Variants in RAB38 observed in about 807,000 individuals in gnomAD.
RAB38 encodes RAB38, member RAS oncogene family.
Under a neutral mutation model 18.4 loss-of-function variants are expected in RAB38, and 15 were observed. The observed-to-expected ratio is 0.82, with a 90% CI of 0.55 to 1.26. The LOEUF (loss-of-function observed/expected upper bound fraction) is 1.26. Among genes scored for constraint, RAB38 ranks in the 50% most tolerant of loss-of-function variants. The probability of loss-of-function intolerance (pLI) is 0.00; values close to 1 mark genes in which losing one functional copy is unlikely to be tolerated. For synonymous variants in RAB38, 101 were observed against 104.4 expected, an observed-to-expected ratio of 0.97 and a Z score of 0.20; for missense variants, 294 against 267.4, an observed-to-expected ratio of 1.10 and a Z score of -0.69.
At chr11:88,060,802 A>G in the RAB38 span, among the ~76,000 whole-genome samples, 1 of 152,212 alleles carries the variant, frequency 6.6e-6, no homozygotes, top group Non-Finnish European at 1.5e-5. Flanking sequence ...ATTAAAAACT[A>G]CTAACTAATG....
At chr11:87,930,924 A>T in the RAB38 span, among the ~76,000 whole-genome samples, 4 of 152,024 alleles carry the variant, frequency 2.6e-5, no homozygotes, top group African/African-American at 9.7e-5. Flanking sequence ...ATTGGTCTAT[A>T]TCTCTGTTTT....
the RAB38 span, among the ~76,000 whole-genome samples, chr11:87,873,922 G>GTGTGTGTATATATATATGTATATATA: frequency 9.7e-6 from 1 of 103,120 alleles, no homozygotes; most frequent in South Asian, 3.3e-4. Flanking sequence ...GTGTGTGTGT[G>GTGTGTGTATATATATATGTATATATA]TATATATATA....
chr11:87,867,112 C>T, the RAB38 span, among the ~76,000 whole-genome samples: 1 of 151,744 alleles, frequency 6.6e-6, no homozygotes, highest in African/African-American at 2.4e-5. Flanking sequence ...GCTCAGCTTT[C>T]TGAATGCTGG....
chr11:87,852,519 C>T, the RAB38 span, among the ~76,000 whole-genome samples: 1 of 152,022 alleles, frequency 6.6e-6, no homozygotes. Flanking sequence ...CATAATGTAT[C>T]TTTCTCGATA....
the RAB38 span, among the ~76,000 whole-genome samples, chr11:88,015,672 A>G: frequency 6.6e-6 from 1 of 152,096 alleles, no homozygotes; most frequent in Non-Finnish European, 1.5e-5. Flanking sequence ...ATCAAAGCTA[A>G]TATTTGACTC....
chr11:87,936,370 C>G, the RAB38 span, among the ~76,000 whole-genome samples: 3 of 151,948 alleles, frequency 2.0e-5, no homozygotes, highest in Non-Finnish European at 4.4e-5. Flanking sequence ...ATTGGATGTC[C>G]AATTGTTCCA....
the RAB38 span, among the ~76,000 whole-genome samples, chr11:88,073,052 TC>T: frequency 6.6e-6 from 1 of 152,086 alleles, no homozygotes; most frequent in Non-Finnish European, 1.5e-5. Context: ...ACAGAAAATC[TC>T]CCTTTGACTC....
chr11:88,030,758 T>G, the RAB38 span, among the ~76,000 whole-genome samples: 3 of 151,326 alleles, frequency 2.0e-5, no homozygotes, highest in Admixed American at 6.6e-5. Context: ...CCAAAAAGAG[T>G]CCAGGACAAG....
intron 2 of RAB38, among the ~76,000 whole-genome samples, chr11:88,117,440 T>C (rs531811601): frequency 1.1e-4 from 17 of 152,230 alleles, no homozygotes; most frequent in African/African-American, 4.1e-4. Flanking sequence ...ACTATAAAAG[T>C]CCATTACTAG....
At chr11:87,930,527 C>G in the RAB38 span, among the ~76,000 whole-genome samples, 16 of 152,284 alleles carry the variant, frequency 1.1e-4, no homozygotes, top group Non-Finnish European at 1.8e-4. Context: ...CCTGTTCACT[C>G]TGATGGTACT....
At position 88,147,916 on chromosome 11, in the gene RAB38, G is replaced by T. The variant is rs374150774; in HGVS notation, c.483+1759C>A. Among the ~76,000 whole-genome samples, 302 of 152,026 alleles carry T rather than the reference G, an allele frequency of 2.0e-3. 3 individuals are homozygous for T. Among genetic ancestry groups the T allele is most frequent in the African/African-American group, 6.8e-3 (282 of 41,486 alleles). ...TCAAAAAAACAAACAAACAAAAAAA[G>T]AAAATAGACTACAAAAAGATACCAT... On this transcript the variant is annotated intron_variant, in intron 2 of 2. Transcript: ENST00000243662.
chr11:88,143,998 C>T (rs1464801421), intron 2 of RAB38, among the ~76,000 whole-genome samples: 1 of 152,200 alleles, frequency 6.6e-6, no homozygotes, highest in Non-Finnish European at 1.5e-5. Flanking sequence ...GACTCATACA[C>T]TTCACCTATT....
At chr11:88,092,692 A>G in the RAB38 span, among the ~76,000 whole-genome samples, 4 of 151,672 alleles carry the variant, frequency 2.6e-5, no homozygotes, top group African/African-American at 9.7e-5. Context: ...ACTAGTGTAT[A>G]TATATAAAAC....
the RAB38 span, among the ~76,000 whole-genome samples, chr11:87,854,478 T>G: frequency 3.9e-5 from 6 of 152,274 alleles, no homozygotes; most frequent in African/African-American, 1.4e-4. Flanking sequence ...AATGATCCAC[T>G]CTTAACACAT....
At chr11:88,147,868 G>C (rs1352993084) in intron 2 of RAB38, among the ~76,000 whole-genome samples, 4 of 152,026 alleles carry the variant, frequency 2.6e-5, no homozygotes, top group African/African-American at 9.7e-5. Context: ...ACTCCAGCCT[G>C]GGTGACAGAG....
At chr11:88,071,567 T>A in the RAB38 span, among the ~76,000 whole-genome samples, 1 of 152,106 alleles carries the variant, frequency 6.6e-6, no homozygotes, top group Non-Finnish European at 1.5e-5. Context: ...TTTACTGCCA[T>A]ATAAAGAGGG....
At chr11:88,174,141 C>T in intron 1 of RAB38, 1 of 948,806 alleles carries the variant, frequency 1.1e-6, no homozygotes, top group Non-Finnish European at 1.3e-6. Context: ...TTGACCCTTG[C>T]CCAACTCCTT....
chr11:88,135,034 C>T (rs371902442), intron 2 of RAB38, among the ~76,000 whole-genome samples: 5 of 152,122 alleles, frequency 3.3e-5, no homozygotes, highest in Non-Finnish European at 7.4e-5. Context: ...CCCACTTCCT[C>T]GACCATTTTC....
the RAB38 span, among the ~76,000 whole-genome samples, chr11:88,028,344 A>T: frequency 6.6e-6 from 1 of 152,230 alleles, no homozygotes; most frequent in Non-Finnish European, 1.5e-5. Context: ...AAAGGAATGC[A>T]GTTCCTCACC....
Sources: allele counts gnomAD v4.1 joint callset (sites outside exome capture counted in the v4.1 genomes callset), GRCh38; gene constraint gnomAD v4.1.1; transcripts MANE v1.5; gene names NCBI Gene and HGNC (gene_info 2026-07-23, HGNC 2026-07-21).